The following GABRB3 variants were observed in gnomAD, a reference collection of about 807,000 sequenced individuals.
GABRB3 encodes gamma-aminobutyric acid receptor subunit beta-3.
GABRB3 carries 14 observed loss-of-function variants against 52.1 expected under a neutral mutation model. The observed-to-expected ratio is 0.27, with a 90% CI of 0.18 to 0.42. The LOEUF is 0.42. Among genes scored for constraint, GABRB3 ranks in the 10% least tolerant of loss-of-function variants. GABRB3 has a pLI of 1.00. For synonymous variants in GABRB3, 260 were observed against 232.3 expected (o/e 1.12, Z -1.08); for missense variants, 307 against 609.1 (o/e 0.50, Z 5.22).
chr15:26,756,405 T>TAA (rs559330345), intron 3 of GABRB3, among the ~76,000 whole-genome samples: 178 of 134,576 alleles, frequency 1.3e-3, no homozygotes, highest in Non-Finnish European at 1.9e-3. Context: ...CCCTCTCTAC[T>TAA]AAAAAAAAAA....
Position 26,772,990 on chromosome 15 carries a change from G to T in GABRB3, c.-28C>A. 7.4e-7 allele frequency: 1 copy of T among 1,355,132 alleles called. No homozygotes were observed. Among genetic ancestry groups the T allele is most frequent in the South Asian group, 1.6e-5 (1 of 60,886 alleles). 83.9% of individuals were successfully genotyped at this position (1,355,132 alleles called of 1,614,324 possible). On this transcript the variant is annotated 5_prime_UTR_variant, in exon 1 of 9. Transcript: ENST00000311550. ...CTCCGCCGCGCCCCGGCACGGGGGA[G>T]GGGGCGCCCCGCCGCCGTCGCGACC...
rs187419808 is a variant in GABRB3, at chr15:26,665,756, A to G, written c.241-44222T>C. On this transcript the variant is annotated intron_variant, in intron 3 of 8. Transcript: ENST00000311550. ...AATGATAAAACCTCATCTAACTGCC[A>G]TACAGGCTTATGTGTTGTTGTTGTT... Among the ~76,000 whole-genome samples, 6 of 152,344 alleles carry G rather than the reference A, an allele frequency of 3.9e-5. 1 individual carries two copies. Among genetic ancestry groups the G allele is most frequent in the Admixed American group, 3.9e-4 (6 of 15,300 alleles).
At chr15:26,646,255 C>T (rs4277316) in intron 3 of GABRB3, among the ~76,000 whole-genome samples, 63,168 of 151,964 alleles carry the variant, frequency 0.42, 14,619 homozygotes, top group Middle Eastern at 0.56. Context: ...CCCTAAGCCA[C>T]TTTCTGGCTC....
chr15:26,580,299 T>C lies in GABRB3; in HGVS notation c.682+20A>G, dbSNP rs75015217. The C allele has an allele frequency of 2.4e-3, 3,831 of 1,614,074 alleles. 3 individuals carry two copies. Among genetic ancestry groups the C allele is most frequent in the Non-Finnish European group, 3.0e-3 (3,483 of 1,180,012 alleles). ...GGAGCCAGTGCCCCTGAAGGGACTA[T>C]AAGTGGATGCAGGACTCACCTGTGG... On this transcript the variant is annotated intron_variant, in intron 6 of 8. Transcript: ENST00000311550.
intron 3 of GABRB3, among the ~76,000 whole-genome samples, chr15:26,718,218 A>AT (rs1267904032): frequency 6.6e-6 from 1 of 151,618 alleles, no homozygotes; most frequent in African/African-American, 2.4e-5. Flanking sequence ...TTATTTATTT[A>AT]TTTTTTTGGG....
rs145300298 is a variant in GABRB3 at position 26,565,212 on chromosome 15, C to T, written c.835+2369G>A. Among the ~76,000 whole-genome samples the T allele has an allele frequency of 5.2e-3, 792 of 151,844 alleles. 6 individuals carry two copies. Among genetic ancestry groups the T allele is most frequent in the African/African-American group, 0.019 (764 of 41,150 alleles). On this transcript the variant is annotated intron_variant, in intron 7 of 8. Coordinates refer to ENST00000311550, the MANE Select transcript of GABRB3 (RefSeq NM_000814.6). ...TGATGATGTTACTCAGTGCTCCTGACACTGCGTCATACTTTTTCTGAATTC... is the reference window on the plus strand; with the variant it reads ...TGATGATGTTACTCAGTGCTCCTGATACTGCGTCATACTTTTTCTGAATTC...
chr15:26,581,704 A>G (rs1890797215), intron 5 of GABRB3, among the ~76,000 whole-genome samples: 1 of 152,182 alleles, frequency 6.6e-6, no homozygotes, highest in African/African-American at 2.4e-5. Flanking sequence ...CACATAGCTC[A>G]TTCTTTCCCA....
intron 3 of GABRB3, among the ~76,000 whole-genome samples, chr15:26,646,597 CATATGGTAA>C: frequency 6.6e-6 from 1 of 152,070 alleles, no homozygotes; most frequent in African/African-American, 2.4e-5. Flanking sequence ...ATTTCTGGGT[CATATGGTAA>C]ATAACATAAG....
chr15:26,606,772 A>ATCGATAGATAGATCTATC lies in GABRB3; in HGVS notation c.461+14541_461+14542insGATAGATCTATCTATCGA, dbSNP rs1566770499. On this transcript the variant is annotated intron_variant, in intron 4 of 8. Coordinates refer to ENST00000311550, the MANE Select transcript of GABRB3 (RefSeq NM_000814.6). ...ATATCATACATATCTGTCTATCTAT[A>ATCGATAGATAGATCTATC]GATAGATAGATATATCTATAGATAG... Among the ~76,000 whole-genome samples, 46 of 81,772 alleles carry ATCGATAGATAGATCTATC rather than the reference A, an allele frequency of 5.6e-4. 1 individual carries two copies. Among genetic ancestry groups the ATCGATAGATAGATCTATC allele is most frequent in the Non-Finnish European group, 9.0e-4 (28 of 31,236 alleles). The allele number at this position is 81,772 out of a possible 152,430, so 53.6% of individuals were successfully genotyped here.
chr15:26,620,021 G>A (rs1188032531), intron 4 of GABRB3, among the ~76,000 whole-genome samples: 1 of 151,958 alleles, frequency 6.6e-6, no homozygotes, highest in Non-Finnish European at 1.5e-5. Flanking sequence ...TTTGGGTGTG[G>A]GGGCAGGTAA....
intron 7 of GABRB3, 66 bp from the exon 8 acceptor site, chr15:26,561,242 C>G: frequency 4.4e-6 from 7 of 1,604,638 alleles, no homozygotes; most frequent in Non-Finnish European, 5.9e-6. Flanking sequence ...TTTCACTTTC[C>G]TTTTATGTTT....
At position 26,744,394 on chromosome 15, in the gene GABRB3, A is replaced by T. The variant is rs373526239; in HGVS notation, c.240+28008T>A. 1.6e-4 allele frequency among the ~76,000 whole-genome samples: 24 copies of T among 151,590 alleles called. No individual in the cohort carries two copies. In the East Asian group the frequency reaches 2.9e-3, roughly 19 times the overall value. On this transcript the variant is annotated intron_variant, in intron 3 of 8. Coordinates refer to ENST00000311550, the MANE Select transcript of GABRB3 (RefSeq NM_000814.6). ...ATAAAGAGTTAATAACTACAGTGGA[A>T]ATCGTTTTCAACTTAACTCATCAAC...
chr15:26,669,939 G>A (rs915855156), intron 3 of GABRB3, among the ~76,000 whole-genome samples: 5 of 152,322 alleles, frequency 3.3e-5, no homozygotes, highest in Non-Finnish European at 2.9e-5. Context: ...TCCTGATGCC[G>A]TGCACTGCAC....
At chr15:26,649,658 C>CTGTGTGTGTGTG (rs57833685) in intron 3 of GABRB3, among the ~76,000 whole-genome samples, 18,146 of 129,892 alleles carry the variant, frequency 0.14, 1,507 homozygotes, top group Admixed American at 0.17. Context: ...AGAGCCAAGG[C>CTGTGTGTGTGTG]TGTGTGTGTG....
chr15:26,734,098 C>T lies in GABRB3; in HGVS notation c.240+38304G>A, dbSNP rs527849900. Reference sequence around the variant, plus strand: ...AGGCTGGAGTGCAATGGCATGATCTCGCCTCAACACAACCTCCGCCTCCTG... The same window carrying T: ...AGGCTGGAGTGCAATGGCATGATCTTGCCTCAACACAACCTCCGCCTCCTG... On this transcript the variant is annotated intron_variant, in intron 3 of 8. Transcript: ENST00000311550. 2.7e-4 allele frequency among the ~76,000 whole-genome samples: 38 copies of T among 142,610 alleles called. No individual in the cohort carries two copies. In the East Asian group the frequency reaches 2.7e-3, roughly 10 times the overall value. The allele number at this position is 142,610 out of a possible 152,430, so 93.6% of individuals were successfully genotyped here.
intron 3 of GABRB3, among the ~76,000 whole-genome samples, chr15:26,641,690 G>A (rs1183499420): frequency 6.6e-6 from 1 of 152,162 alleles, no homozygotes; most frequent in Non-Finnish European, 1.5e-5. Context: ...ACCAGTTCAT[G>A]GCTGGGCCAT....
chr15:26,606,253 C>T (rs764337979), intron 4 of GABRB3, among the ~76,000 whole-genome samples: 11 of 151,914 alleles, frequency 7.2e-5, no homozygotes, highest in Non-Finnish European at 1.5e-4. Context: ...GGACTATAGT[C>T]AAGGATAATT....
intron 3 of GABRB3, among the ~76,000 whole-genome samples, chr15:26,650,286 G>A (rs1887155590): frequency 6.6e-6 from 1 of 152,110 alleles, no homozygotes; most frequent in Non-Finnish European, 1.5e-5. Flanking sequence ...TTCAAAAGTG[G>A]TGTCAAGTTG....
chr15:26,586,973 T>A (rs1891015478), intron 4 of GABRB3, among the ~76,000 whole-genome samples: 1 of 152,180 alleles, frequency 6.6e-6, no homozygotes, highest in African/African-American at 2.4e-5. Context: ...TGCATTCTAT[T>A]GCAGAACATG....
Sources: allele counts gnomAD v4.1 joint callset (sites outside exome capture counted in the v4.1 genomes callset), GRCh38; gene constraint gnomAD v4.1.1; transcripts MANE v1.5; gene names NCBI Gene and HGNC (gene_info 2026-07-23, HGNC 2026-07-21).